HOOK3: variants seen among roughly 807,000 people sequenced by gnomAD.
The protein encoded by HOOK3 is hook microtubule tethering protein 3.
Under a neutral mutation model 116.3 loss-of-function variants are expected in HOOK3, and 24 were observed. The observed-to-expected ratio is 0.21, with a 90% confidence interval of 0.15 to 0.29. The LOEUF (loss-of-function observed/expected upper bound fraction) is 0.29. Ranked by LOEUF, HOOK3 falls within the 10% of genes least tolerant of loss-of-function variation. The probability of loss-of-function intolerance (pLI) is 1.00; values close to 1 mark genes in which losing one functional copy is unlikely to be tolerated. For missense variants in HOOK3, 632 were observed against 830.2 expected, an observed-to-expected ratio of 0.76 and a Z score of 2.93; for synonymous variants, 275 against 283.0, an observed-to-expected ratio of 0.97 and a Z score of 0.28.
At chr8:42,962,832 G>A (rs1372437055) in intron 8 of HOOK3, among the ~76,000 whole-genome samples, 7 of 116,746 alleles carry the variant, frequency 6.0e-5, no homozygotes, top group Admixed American at 3.5e-4. Context: ...ACAAAGTCTC[G>A]CTCTTGTCCC....
chr8:42,967,876 T>C, intron 10 of HOOK3, 137 bp from the exon 11 acceptor site: 1 of 600,770 alleles, frequency 1.7e-6, no homozygotes, highest in East Asian at 2.8e-5. Flanking sequence ...TTTGTTAACC[T>C]GTGCAGAAAA....
chr8:43,010,919 T>C (rs1809592041), intron 19 of HOOK3, among the ~76,000 whole-genome samples: 1 of 152,136 alleles, frequency 6.6e-6, no homozygotes, highest in African/African-American at 2.4e-5. Context: ...CCCATTCTAA[T>C]TGAAAAGAGC....
At chr8:42,904,126 C>A (rs1264333151) in intron 1 of HOOK3, among the ~76,000 whole-genome samples, 1 of 152,094 alleles carries the variant, frequency 6.6e-6, no homozygotes, top group Non-Finnish European at 1.5e-5. Context: ...AGTTTTACTT[C>A]TTTTCTAACC....
At chr8:42,975,840 G>A (rs1421391877) in intron 13 of HOOK3, among the ~76,000 whole-genome samples, 3 of 152,074 alleles carry the variant, frequency 2.0e-5, no homozygotes, top group African/African-American at 7.2e-5. Context: ...CTAGTAGCTG[G>A]GACTACAGGG....
chr8:42,961,622 C>A (rs544224983), intron 8 of HOOK3, among the ~76,000 whole-genome samples: 10 of 152,124 alleles, frequency 6.6e-5, no homozygotes, highest in Admixed American at 2.6e-4. Context: ...GTTGATAAGT[C>A]AAGAAATAAT....
chr8:42,906,881 T>C (rs1807321829), intron 2 of HOOK3, among the ~76,000 whole-genome samples: 2 of 152,222 alleles, frequency 1.3e-5, no homozygotes, highest in Admixed American at 1.3e-4. Flanking sequence ...CTCTTCCTTA[T>C]AGGTCAAAAT....
chr8:42,979,207 G>C (rs1208611328), intron 13 of HOOK3, among the ~76,000 whole-genome samples: 1 of 152,178 alleles, frequency 6.6e-6, no homozygotes, highest in Non-Finnish European at 1.5e-5. Context: ...AGGAGTTTGA[G>C]GTTACAGTGA....
intron 6 of HOOK3, among the ~76,000 whole-genome samples, chr8:42,956,412 T>G (rs1808437646): frequency 6.6e-6 from 1 of 152,210 alleles, no homozygotes. Flanking sequence ...TTGTCATTTT[T>G]GTGATAAGAA....
Position 43,013,336 on chromosome 8 carries a change from A to G in HOOK3, c.1952A>G (p.Tyr651Cys). 2 of 1,563,716 alleles carry G rather than the reference A, an allele frequency of 1.3e-6. No individual in the cohort carries two copies. The highest frequency in any genetic ancestry group is 8.6e-7 in the Non-Finnish European group (1 of 1,159,722). The change falls in exon 21 of 22, where the codon TAT becomes TGT. Residue 651 changes from tyrosine (Y) to cysteine (C), a missense_variant. Transcript: ENST00000307602. ...DRLFHSLEKE[Y>C]EKTKSQREME... is the part of the protein sequence containing the mutation. ...GCTTTTTTTTTTTTTTAGAAAGAAT[A>G]TGAGAAAACAAAGAGTCAGAGAGAG...
chr8:42,949,491 C>T (rs1234706700), intron 5 of HOOK3: 3 of 152,140 alleles, frequency 2.0e-5, no homozygotes, highest in Non-Finnish European at 4.4e-5. Flanking sequence ...ACCTTTAGAC[C>T]AGTCAATAAT....
chr8:42,950,473 G>A lies in HOOK3; in HGVS notation c.468+18G>A. ...TTCAAGAGGTATGTTGGAGCTTCAT[G>A]CTTATAGTTTATGAAAAATTAAAGG... is the stretch of plus-strand genomic sequence containing the variant. On this transcript the variant is annotated intron_variant, in intron 6 of 21. Transcript: ENST00000307602. The A allele has an allele frequency of 1.9e-6, 3 of 1,563,566 alleles. No homozygotes were observed. Among genetic ancestry groups the A allele is most frequent in the Non-Finnish European group, 2.6e-6 (3 of 1,137,626 alleles).
intron 9 of HOOK3, among the ~76,000 whole-genome samples, chr8:42,966,177 A>T (rs1808628852): frequency 6.6e-6 from 1 of 152,130 alleles, no homozygotes; most frequent in Non-Finnish European, 1.5e-5. Context: ...CATATGTGTT[A>T]ATTTTATAAT....
At chr8:42,994,434 G>T in intron 15 of HOOK3, 1 of 415,870 alleles carries the variant, frequency 2.4e-6, no homozygotes, top group Non-Finnish European at 4.8e-6. Context: ...TTTGATGTAG[G>T]TACTTGTGCC....
rs1031903876 is a variant in HOOK3 at position 42,928,657 on chromosome 8, A to G, written c.217-1465A>G. On this transcript the variant is annotated intron_variant, in intron 3 of 21. Transcript: ENST00000307602. Reference sequence around the variant, plus strand: ...AGTGGTAGTATATGGAGATGGGTAGAAAAGTTTATCATAGTCTTAATATTC... The same window carrying G: ...AGTGGTAGTATATGGAGATGGGTAGGAAAGTTTATCATAGTCTTAATATTC... Among the ~76,000 whole-genome samples, 4 of 152,174 alleles carry G rather than the reference A, an allele frequency of 2.6e-5. No individual in the cohort carries two copies. In the East Asian group the frequency reaches 5.8e-4, roughly 22 times the overall value.
intron 2 of HOOK3, 51 bp downstream of exon 2, chr8:42,906,309 T>C: frequency 7.8e-7 from 1 of 1,285,534 alleles, no homozygotes; most frequent in Admixed American, 1.8e-5. Flanking sequence ...TGGATATTTG[T>C]TAGGTTGAAA....
intron 1 of HOOK3, among the ~76,000 whole-genome samples, chr8:42,903,505 C>T (rs753024272): frequency 7.5e-4 from 112 of 149,958 alleles, no homozygotes; most frequent in Non-Finnish European, 1.3e-3. Flanking sequence ...CCACAGCGCC[C>T]GACTAATTTT....
rs1809769338 is a variant in HOOK3, at chr8:43,018,906, T to A, written c.*408T>A. ...AAGAATGTCTTTGTTTAAAGGGAAT[T>A]AATCTTTTTATGATGTATTAATCTG... On this transcript the variant is annotated 3_prime_UTR_variant, in exon 22 of 22. Transcript: ENST00000307602. 4.5e-6 allele frequency: 1 copy of A among 224,536 alleles called. No homozygotes were observed. The highest frequency in any genetic ancestry group is 2.2e-5 in the African/African-American group (1 of 44,830). 13.9% of individuals were successfully genotyped at this position (224,536 alleles called of 1,614,324 possible). A position where few individuals can be genotyped will look rare whatever the true frequency, so the allele number is the denominator to read the frequency against.
chr8:42,925,768 A>G, intron 3 of HOOK3, 139 bp downstream of exon 3: 1 of 600,400 alleles, frequency 1.7e-6, no homozygotes, highest in South Asian at 2.1e-5. Context: ...TTGAAGATTG[A>G]ACTCACCTGG....
At chr8:42,907,432 AT>A (rs1340041644) in intron 2 of HOOK3, among the ~76,000 whole-genome samples, 1 of 152,128 alleles carries the variant, frequency 6.6e-6, no homozygotes, top group Non-Finnish European at 1.5e-5. Flanking sequence ...AGGCACACAG[AT>A]TTTTTAATGA....
Sources: allele counts gnomAD v4.1 joint callset (sites outside exome capture counted in the v4.1 genomes callset), GRCh38; gene constraint gnomAD v4.1.1; transcripts MANE v1.5; gene names NCBI Gene and HGNC (gene_info 2026-07-23, HGNC 2026-07-21).